Variants in CACNA1C observed in about 807,000 individuals in gnomAD.
The protein encoded by CACNA1C is voltage-dependent L-type calcium channel subunit alpha-1C.
In CACNA1C, 30 loss-of-function variants were observed where a neutral mutation model predicts 229.0. The observed-to-expected ratio is 0.13, with a 90% CI of 0.10 to 0.18. CACNA1C has a LOEUF of 0.18. Ranked by LOEUF, CACNA1C falls within the 10% of genes least tolerant of loss-of-function variation. The pLI is 1.00. For synonymous variants in CACNA1C, 1,114 were observed against 1,132.5 expected (o/e 0.98, Z 0.33); for missense variants, 1,658 against 2,845.0 (o/e 0.58, Z 9.49).
At position 2,331,073 on chromosome 12, in the gene CACNA1C, A is replaced by T. The variant is rs562939772; in HGVS notation, c.478-117903A>T. On this transcript the variant is annotated intron_variant, in intron 3 of 46. Transcript: ENST00000399655. ...TTTTCCTTAATATCCATATTTAAATATGTATCTAAAGAAATGCGAAGACTC... is the reference window on the plus strand; with the variant it reads ...TTTTCCTTAATATCCATATTTAAATTTGTATCTAAAGAAATGCGAAGACTC... Among the ~76,000 whole-genome samples, 41 of 152,348 alleles carry T rather than the reference A, an allele frequency of 2.7e-4. No individual in the cohort carries two copies. The South Asian group carries it at 8.3e-3, about 31-fold the overall frequency.
chr12:2,175,445 C>T (rs934859796), intron 3 of CACNA1C, among the ~76,000 whole-genome samples: 2 of 152,172 alleles, frequency 1.3e-5, no homozygotes, highest in Admixed American at 6.5e-5. Flanking sequence ...CCTTCATCCT[C>T]CATGTTTTCT....
rs2097852519 is a variant in CACNA1C at position 2,697,747 on chromosome 12, C to T, written c.*6548C>T. ...AATAATCCCATTGTCAGAGGCCTCG[C>T]CTGATGGGCCTTCTCACCCTCGAGA... On this transcript the variant is annotated 3_prime_UTR_variant, in exon 47 of 47. Transcript: ENST00000399655. 6.6e-6 allele frequency: 1 copy of T among 152,420 alleles called. No individual in the cohort carries two copies. Among genetic ancestry groups the T allele is most frequent in the Non-Finnish European group, 1.5e-5 (1 of 68,044 alleles). The allele number at this position is 152,420 out of a possible 1,614,324, so 9.4% of individuals were successfully genotyped here. A position where few individuals can be genotyped will look rare whatever the true frequency, so the allele number is the denominator to read the frequency against.
chr12:2,450,386 C>T (rs1329760144), intron 4 of CACNA1C, among the ~76,000 whole-genome samples: 4 of 151,650 alleles, frequency 2.6e-5, no homozygotes, highest in Admixed American at 1.3e-4. Flanking sequence ...AACCCCGTCT[C>T]TACTAAAAAT....
At chr12:2,080,606 A>AAAAAAC (rs2065199179) in intron 1 of CACNA1C, among the ~76,000 whole-genome samples, 2 of 8,662 alleles carry the variant, frequency 2.3e-4, no homozygotes, top group South Asian at 4.9e-3. Context: ...GTCTCAAAAA[A>AAAAAAC]AAAAACAAAA....
intron 7 of CACNA1C, among the ~76,000 whole-genome samples, chr12:2,500,222 G>C (rs1449999714): frequency 6.6e-6 from 1 of 152,186 alleles, no homozygotes; most frequent in African/African-American, 2.4e-5. Flanking sequence ...GTGTGGGACG[G>C]CGAGGGGGAC....
intron 30 of CACNA1C, among the ~76,000 whole-genome samples, chr12:2,637,846 C>T (rs184366204): frequency 2.0e-4 from 30 of 152,336 alleles, no homozygotes; most frequent in Non-Finnish European, 3.5e-4. Flanking sequence ...TCCATGAGGG[C>T]GTTTCACCTG....
rs139406688 is a variant in CACNA1C, at chr12:2,387,334, A to T, written c.478-61642A>T. Among the ~76,000 whole-genome samples the T allele has an allele frequency of 2.8e-3, 422 of 152,140 alleles. 3 individuals carry two copies. Among genetic ancestry groups the T allele is most frequent in the African/African-American group, 9.6e-3 (399 of 41,498 alleles). On this transcript the variant is annotated intron_variant, in intron 3 of 46. Coordinates refer to ENST00000399655, the MANE Select transcript of CACNA1C (RefSeq NM_000719.7). ...ATCTCGGCTCTACTGAAAATACAAA[A>T]ATTAGTCAGGCGTGGTGGCAGGCGC... is the stretch of plus-strand genomic sequence containing the variant.
At chr12:2,262,494 G>T (rs934594223) in intron 3 of CACNA1C, among the ~76,000 whole-genome samples, 14 of 152,160 alleles carry the variant, frequency 9.2e-5, no homozygotes, top group Non-Finnish European at 2.9e-5. Flanking sequence ...TGGCCAAGAC[G>T]GTGTCTTCAG....
intron 3 of CACNA1C, among the ~76,000 whole-genome samples, chr12:2,253,519 C>T (rs1332200640): frequency 6.6e-6 from 1 of 152,248 alleles, no homozygotes; most frequent in Non-Finnish European, 1.5e-5. Flanking sequence ...TACTTTTCCC[C>T]ACCAGGGTAC....
intron 3 of CACNA1C, among the ~76,000 whole-genome samples, chr12:2,264,253 C>T (rs1212531154): frequency 6.6e-6 from 1 of 152,210 alleles, no homozygotes; most frequent in African/African-American, 2.4e-5. Context: ...CTCCAGGGGG[C>T]TCTCAAAGAG....
intron 3 of CACNA1C, among the ~76,000 whole-genome samples, chr12:2,234,988 C>T (rs752095370): frequency 2.0e-5 from 3 of 152,088 alleles, no homozygotes; most frequent in South Asian, 2.1e-4. Context: ...TCTGGATATC[C>T]GCCTGCTATG....
chr12:2,167,904 T>A (rs1159844333), intron 3 of CACNA1C, among the ~76,000 whole-genome samples: 4 of 152,252 alleles, frequency 2.6e-5, no homozygotes, highest in African/African-American at 4.8e-5. Flanking sequence ...CTGCCTGCTT[T>A]GAGTTGCTCT....
At chr12:2,481,285 T>C (rs569187166) in intron 5 of CACNA1C, among the ~76,000 whole-genome samples, 8 of 152,308 alleles carry the variant, frequency 5.3e-5, no homozygotes, top group African/African-American at 1.9e-4. Context: ...TTGGCCAATC[T>C]GGGCATCTCC....
Position 2,593,199 on chromosome 12 carries a change from T to C in CACNA1C, c.2531-14T>C. 6.2e-7 allele frequency: 1 copy of C among 1,612,830 alleles called. No individual in the cohort carries two copies. The highest frequency in any genetic ancestry group is 8.5e-7 in the Non-Finnish European group (1 of 1,179,188). On this transcript the variant is annotated splice_polypyrimidine_tract_variant and intron_variant, in intron 18 of 46. Transcript: ENST00000399655. Reference sequence around the variant, plus strand: ...GTGCTGGAGTTATTTAGAATGGTGCTGTTCTTCTTACAGGAGAAGAGGATG... The same window carrying C: ...GTGCTGGAGTTATTTAGAATGGTGCCGTTCTTCTTACAGGAGAAGAGGATG...
At chr12:2,435,878 C>T (rs541663770) in intron 3 of CACNA1C, among the ~76,000 whole-genome samples, 20 of 152,290 alleles carry the variant, frequency 1.3e-4, no homozygotes, top group Middle Eastern at 3.4e-3. Context: ...AGCAGGCCGT[C>T]GTGCCATGTA....
chr12:2,384,999 G>A (rs1246711805), intron 3 of CACNA1C, among the ~76,000 whole-genome samples: 1 of 152,194 alleles, frequency 6.6e-6, no homozygotes, highest in African/African-American at 2.4e-5. Context: ...GACCGTGAAA[G>A]GAGGGAGATG....
At chr12:2,378,828 T>C (rs1465220590) in intron 3 of CACNA1C, among the ~76,000 whole-genome samples, 1 of 148,002 alleles carries the variant, frequency 6.8e-6, no homozygotes, top group African/African-American at 2.5e-5. Flanking sequence ...CTCTCTCTCT[T>C]TCCTTCTTTT....
intron 9 of CACNA1C, among the ~76,000 whole-genome samples, chr12:2,522,825 A>G (rs1395622871): frequency 6.6e-6 from 1 of 152,200 alleles, no homozygotes; most frequent in African/African-American, 2.4e-5. Flanking sequence ...CATCTTGCCC[A>G]AGATCATCTC....
intron 38 of CACNA1C, among the ~76,000 whole-genome samples, chr12:2,673,764 A>G (rs2096664172): frequency 6.6e-6 from 1 of 152,022 alleles, no homozygotes; most frequent in African/African-American, 2.4e-5. Flanking sequence ...GCTGGAGAGA[A>G]CTCTGCCTTT....
Sources: allele counts gnomAD v4.1 joint callset (sites outside exome capture counted in the v4.1 genomes callset), GRCh38; gene constraint gnomAD v4.1.1; transcripts MANE v1.5; gene names NCBI Gene and HGNC (gene_info 2026-07-23, HGNC 2026-07-21).